The following FANCA variants were observed in gnomAD, a reference collection of about 807,000 sequenced individuals.
FANCA encodes Fanconi anemia group A protein.
A neutral mutation model predicts 194.3 loss-of-function variants in FANCA; 236 were observed. The observed-to-expected ratio is 1.21, with a 90% CI of 1.09 to 1.35. FANCA has a LOEUF of 1.35. FANCA is among the 40% of genes most tolerant of loss of function. The pLI is 0.00. For missense variants in FANCA, 2,628 were observed against 1,813.9 expected, an observed-to-expected ratio of 1.45 and a Z score of -8.15; for synonymous variants, 1,014 against 715.8, an observed-to-expected ratio of 1.42 and a Z score of -6.65.
chr16:89,742,730 C>G (rs1000338931), intron 37 of FANCA, 70 bp downstream of exon 37: 1 of 1,559,638 alleles, frequency 6.4e-7, no homozygotes, highest in South Asian at 1.1e-5. Context: ...TCAGACAAGC[C>G]CAGAGAAATA....
At chr16:89,742,759 C>A (rs373592545) in intron 37 of FANCA, 41 bp downstream of exon 37, 301 of 1,603,144 alleles carry the variant, frequency 1.9e-4, no homozygotes, top group Middle Eastern at 5.0e-4. Context: ...TGAAACCAAG[C>A]TTGCGAGAAA....
chr16:89,770,142 G>C (rs1192409710), intron 25 of FANCA, 24 bp downstream of exon 25: 6 of 1,575,312 alleles, frequency 3.8e-6, no homozygotes, highest in Non-Finnish European at 4.3e-6. Flanking sequence ...CCCCAAGGGT[G>C]GCCCCCATGA....
intron 10 of FANCA, chr16:89,798,797 G>C (rs79722689): frequency 4.2e-6 from 6 of 1,431,342 alleles, no homozygotes; most frequent in South Asian, 1.4e-5. Flanking sequence ...CTAGAAATGT[G>C]GGGGGCTGAG....
At chr16:89,776,244 T>G (rs1046327759) in intron 20 of FANCA, among the ~76,000 whole-genome samples, 30 of 141,536 alleles carry the variant, frequency 2.1e-4, no homozygotes, top group African/African-American at 7.7e-4. Flanking sequence ...CTCGGCTCAC[T>G]GCAACCTCCG....
In FANCA at chr16:89,759,907, G is replaced by GGGGTGCTCCACCCACGCTGTGCGGGACCT. The variant is rs1567610767; in HGVS notation, c.2853-1231_2853-1203dup. Among the ~76,000 whole-genome samples, 9 of 151,564 alleles carry GGGGTGCTCCACCCACGCTGTGCGGGACCT rather than the reference G, an allele frequency of 5.9e-5. 1 individual carries two copies. Among genetic ancestry groups the GGGGTGCTCCACCCACGCTGTGCGGGACCT allele is most frequent in the Admixed American group, 6.6e-5 (1 of 15,238 alleles). On this transcript the variant is annotated intron_variant, in intron 29 of 42. Transcript: ENST00000389301. Reference sequence around the variant, plus strand: ...TGCTCTCCTCACACTGTCCGGGACTGGGGTGCTCCACCCACGCTGTGCGGG... The same window carrying GGGGTGCTCCACCCACGCTGTGCGGGACCT: ...TGCTCTCCTCACACTGTCCGGGACTGGGGTGCTCCACCCACGCTGTGCGGGACCTGGGTGCTCCACCCACGCTGTGCGGG...
chr16:89,784,173 G>A (rs1414276413), intron 15 of FANCA, among the ~76,000 whole-genome samples: 2 of 151,846 alleles, frequency 1.3e-5, no homozygotes, highest in Non-Finnish European at 2.9e-5. Context: ...GGCCAGCCTG[G>A]GCAACACAGC....
At chr16:89,771,838 G>C (rs200795294) in intron 22 of FANCA, 24 bp from the exon 23 acceptor site, 10 of 1,613,004 alleles carry the variant, frequency 6.2e-6, no homozygotes, top group Non-Finnish European at 8.5e-6. Context: ...AACTAGTTAG[G>C]GATGACAAGA....
Position 89,815,739 on chromosome 16 carries a change from C to T in FANCA, c.189+138G>A, listed in dbSNP as rs573008492. The T allele has an allele frequency of 7.7e-5, 58 of 750,550 alleles. 1 individual carries two copies. In the South Asian group the frequency reaches 8.1e-4, roughly 11 times the overall value. The allele number at this position is 750,550 out of a possible 1,614,324, so 46.5% of individuals were successfully genotyped here. On this transcript the variant is annotated intron_variant, in intron 2 of 42. Coordinates refer to ENST00000389301, the MANE Select transcript of FANCA (RefSeq NM_000135.4). ...CCCAGGTTGGTCCAGAACTCCCGGG[C>T]TCAGGCGACCCTCCCCTCTGCGGGC...
At position 89,791,753 on chromosome 16, in the gene FANCA, C is replaced by A. The variant is rs1567635914; in HGVS notation, c.1225+174G>T. The A allele has an allele frequency of 3.0e-6, 3 of 987,998 alleles. No homozygotes were observed. The East Asian group carries it at 7.8e-5, about 26-fold the overall frequency. The allele number at this position is 987,998 out of a possible 1,614,324, so 61.2% of individuals were successfully genotyped here. On this transcript the variant is annotated intron_variant, in intron 13 of 42. Transcript: ENST00000389301. ...CACTCTGGCCTCTCAGAGCAGCAGT[C>A]AGTGCTTATGGAAGCGTCTGACAAA...
At chr16:89,806,173 A>C (rs1210844257) in intron 6 of FANCA, among the ~76,000 whole-genome samples, 1 of 152,052 alleles carries the variant, frequency 6.6e-6, no homozygotes, top group South Asian at 2.1e-4. Context: ...TCAGCCTCCC[A>C]AAGTGCTGGG....
intron 31 of FANCA, among the ~76,000 whole-genome samples, chr16:89,750,961 T>C (rs1197619679): frequency 6.6e-6 from 1 of 152,166 alleles, no homozygotes; most frequent in Non-Finnish European, 1.5e-5. Flanking sequence ...AGTGCAGTCT[T>C]GGCTTATGGC....
chr16:89,745,053 C>G lies in FANCA; in HGVS notation c.3532G>C (p.Glu1178Gln). 1.9e-6 allele frequency: 3 copies of G among 1,606,872 alleles called. No individual in the cohort carries two copies. Among genetic ancestry groups the G allele is most frequent in the Non-Finnish European group, 2.5e-6 (3 of 1,179,092 alleles). The change falls in exon 36 of 43, where the codon GAG (glutamate) becomes CAG (glutamine). Residue 1178 changes from glutamate (E) to glutamine (Q), a missense_variant. Coordinates refer to ENST00000389301, the MANE Select transcript of FANCA (RefSeq NM_000135.4). ...TSALVWWPSL[E>Q]PVLLCRWRRH... ...CTCCACCGGCAGAGCAGCACAGGCT[C>G]CAGGCTCGGCCACCACACCTATGGA...
chr16:89,785,662 G>C (rs1335047029), intron 14 of FANCA, among the ~76,000 whole-genome samples: 1 of 152,142 alleles, frequency 6.6e-6, no homozygotes, highest in African/African-American at 2.4e-5. Context: ...TGAACCTGCA[G>C]ACAGAATGTG....
chr16:89,799,341 G>T lies in FANCA; in HGVS notation c.827-109C>A, dbSNP rs911529359. The T allele has an allele frequency of 7.1e-6, 9 of 1,264,218 alleles. No individual in the cohort carries two copies. In the Admixed American group the frequency reaches 7.6e-5, roughly 11 times the overall value. 78.3% of individuals were successfully genotyped at this position (1,264,218 alleles called of 1,614,324 possible). On this transcript the variant is annotated intron_variant, in intron 9 of 42. Coordinates refer to ENST00000389301, the MANE Select transcript of FANCA (RefSeq NM_000135.4). ...ACAGATCCACTTCAACCCCCCAGAG[G>T]GCCCACATCCATCAAGACTTCTACA... is the stretch of plus-strand genomic sequence containing the variant.
chr16:89,749,722 G>C lies in FANCA; in HGVS notation c.3239+8C>G, dbSNP rs2038514547. The C allele has an allele frequency of 1.9e-6, 3 of 1,612,704 alleles. No individual in the cohort carries two copies. The highest frequency in any genetic ancestry group is 2.7e-5 in the African/African-American group (2 of 74,910). On this transcript the variant is annotated splice_region_variant and intron_variant, in intron 32 of 42. Coordinates refer to ENST00000389301, the MANE Select transcript of FANCA (RefSeq NM_000135.4). Reference sequence around the variant, plus strand: ...GTGCTGCCCTGCCCAGGTGGTAGTAGGTGTTACCGTTTGTACATTAGCAGC... The same window carrying C: ...GTGCTGCCCTGCCCAGGTGGTAGTACGTGTTACCGTTTGTACATTAGCAGC...
chr16:89,812,455 T>C (rs1176342110), intron 3 of FANCA, among the ~76,000 whole-genome samples: 1 of 151,044 alleles, frequency 6.6e-6, no homozygotes, highest in East Asian at 2.0e-4. Flanking sequence ...GAGACCAGCC[T>C]GACCAACATG....
rs553429499 is a variant in FANCA at position 89,768,876 on chromosome 16, A to G, written c.2504+961T>C. Among the ~76,000 whole-genome samples the G allele has an allele frequency of 1.4e-4, 22 of 151,750 alleles. 1 individual carries two copies. In the East Asian group the frequency reaches 4.1e-3, roughly 28 times the overall value. On this transcript the variant is annotated intron_variant, in intron 26 of 42. Coordinates refer to ENST00000389301, the MANE Select transcript of FANCA (RefSeq NM_000135.4). ...GATGCCTCCCTCCTCACCAGCTCCC[A>G]ACTTCTCCATTGGCTGTGTGCCTCT... is the stretch of plus-strand genomic sequence containing the variant.
Position 89,784,964 on chromosome 16 carries a change from C to A in FANCA, c.1360G>T (p.Ala454Ser), listed in dbSNP as rs150863702. The A allele has an allele frequency of 4.3e-6, 7 of 1,611,306 alleles. No homozygotes were observed. Among genetic ancestry groups the A allele is most frequent in the Non-Finnish European group, 5.9e-6 (7 of 1,178,460 alleles). ...TAGCCTCGTGTGCTCCCAAAGGAGGCCTGTGTGGAGAGAAGAGCGTGAAGC... is the reference window on the plus strand; with the variant it reads ...TAGCCTCGTGTGCTCCCAAAGGAGGACTGTGTGGAGAGAAGAGCGTGAAGC... ...AFLSYADWFK[A>S]SFGSTRGYHG... Residue 454 changes from alanine to serine, a missense_variant and splice_region_variant, in exon 15 of 43, where the codon GCC becomes TCC. Transcript: ENST00000389301.
intron 10 of FANCA, chr16:89,798,481 A>C: frequency 9.1e-7 from 1 of 1,095,062 alleles, no homozygotes; most frequent in Non-Finnish European, 1.1e-6. Flanking sequence ...AAGAATGAAA[A>C]GGTTGACAAG....
Sources: gnomAD v4.1 joint callset for allele counts (sites outside exome capture counted in the v4.1 genomes callset) on GRCh38, gnomAD v4.1.1 for gene constraint, MANE v1.5 for transcripts, NCBI Gene and HGNC (gene_info 2026-07-23, HGNC 2026-07-21) for gene names.